MOCOS: variants seen among roughly 807,000 people sequenced by gnomAD.
MOCOS encodes the protein molybdenum cofactor sulfurase, also known as human molybdenum cofactor sulfurase.
In MOCOS, 86 loss-of-function variants were observed where a neutral mutation model predicts 83.6. The observed-to-expected ratio is 1.03, with a 90% CI of 0.86 to 1.23. MOCOS has a LOEUF of 1.23. Ranked by LOEUF, MOCOS falls within the 50% of genes most tolerant of loss-of-function variation. The probability of loss-of-function intolerance (pLI) is 0.00; values close to 1 mark genes in which losing one functional copy is unlikely to be tolerated. For synonymous variants in MOCOS, 445 were observed against 434.7 expected, an observed-to-expected ratio of 1.02 and a Z score of -0.29; for missense variants, 1,120 against 1,126.9, an observed-to-expected ratio of 0.99 and a Z score of 0.09.
rs368535637 is a variant in MOCOS at position 36,256,932 on chromosome 18, A to G, written c.2165-36A>G. On this transcript the variant is annotated intron_variant, in intron 11 of 14. Transcript: ENST00000261326. Reference sequence around the variant, plus strand: ...AACATGATTCACTGGCATTCTGAGAAAGCAACTCTTCTTTTAAATGCTCCA... The same window carrying G: ...AACATGATTCACTGGCATTCTGAGAGAGCAACTCTTCTTTTAAATGCTCCA... 7 of 1,542,346 alleles carry G rather than the reference A, an allele frequency of 4.5e-6. No individual in the cohort carries two copies. In the African/African-American group the frequency reaches 9.5e-5, roughly 21 times the overall value.
chr18:36,235,717 C>A (rs1291540509), intron 9 of MOCOS, among the ~76,000 whole-genome samples: 1 of 151,622 alleles, frequency 6.6e-6, no homozygotes, highest in East Asian at 1.9e-4. Flanking sequence ...CTGACTTCCA[C>A]AATGGTTGAA....
intron 1 of MOCOS, among the ~76,000 whole-genome samples, chr18:36,191,666 G>A (rs1224751870): frequency 1.3e-5 from 2 of 152,112 alleles, no homozygotes; most frequent in Non-Finnish European, 2.9e-5. Context: ...CAAATTCCTG[G>A]CCTCAAGCAA....
chr18:36,234,110 G>A (rs940045227), intron 9 of MOCOS, among the ~76,000 whole-genome samples: 6 of 152,046 alleles, frequency 3.9e-5, no homozygotes, highest in South Asian at 2.1e-4. Flanking sequence ...TTTGCTTACC[G>A]CAATATCTAG....
chr18:36,218,077 T>A (rs2091481599), intron 8 of MOCOS, among the ~76,000 whole-genome samples: 1 of 152,166 alleles, frequency 6.6e-6, no homozygotes, highest in Admixed American at 6.5e-5. Context: ...GCATCTGTGG[T>A]AGGTGAACCC....
Position 36,205,271 on chromosome 18 carries a change from T to A in MOCOS, c.1213T>A (p.Ser405Thr). The change falls in exon 6 of 15, where the codon TCC becomes ACC. Residue 405 changes from serine to threonine, a missense_variant. Coordinates refer to ENST00000261326, the MANE Select transcript of MOCOS (RefSeq NM_017947.4). The part of the protein sequence containing the change: ...LDDKGNIIGY[S>T]QVDKMASLYN... Reference sequence around the variant, plus strand: ...TGACAAAGGGAACATCATTGGTTACTCCCAGGTGGGTTTTCTTTCCATCCT... The same window carrying A: ...TGACAAAGGGAACATCATTGGTTACACCCAGGTGGGTTTTCTTTCCATCCT... The A allele has an allele frequency of 6.2e-7, 1 of 1,613,496 alleles. No individual in the cohort carries two copies. The highest frequency in any genetic ancestry group is 8.5e-7 in the Non-Finnish European group (1 of 1,179,866).
chr18:36,259,441 C>A, intron 12 of MOCOS, among the ~76,000 whole-genome samples: 2 of 114,922 alleles, frequency 1.7e-5, no homozygotes, highest in Non-Finnish European at 3.5e-5. Flanking sequence ...AGAGCAAGAC[C>A]TTGTCTCAAA....
rs1243626018 is a variant in MOCOS, at chr18:36,215,703, C to A, written c.1523C>A (p.Thr508Asn). 1.2e-6 allele frequency: 2 copies of A among 1,614,084 alleles called. No individual in the cohort carries two copies. The highest frequency in any genetic ancestry group is 1.3e-5 in the African/African-American group (1 of 74,934). Residue 508 changes from threonine (T) to asparagine (N), a missense_variant, in exon 8 of 15, where the codon ACT becomes AAT. Thr to Asn is a moderately conservative substitution (Grantham distance 65, BLOSUM62 0). Coordinates refer to ENST00000261326, the MANE Select transcript of MOCOS (RefSeq NM_017947.4). ...VPQAHADTGETGAPSADSQAD... is the reference protein window; with the variant it reads ...VPQAHADTGENGAPSADSQAD... The stretch of plus-strand genomic sequence containing the variant: ...CAGGCCCATGCTGACACCGGGGAGA[C>A]TGGAGCCCCATCAGCAGACAGCCAG...
At chr18:36,266,980 G>A in intron 14 of MOCOS, 127 bp downstream of exon 14, 2 of 794,440 alleles carry the variant, frequency 2.5e-6, no homozygotes, top group Non-Finnish European at 2.1e-6. Context: ...AAAGCTGTTG[G>A]GCTGCCATTA....
At position 36,205,110 on chromosome 18, in the gene MOCOS, C is replaced by A. The variant is rs1393250268; in HGVS notation, c.1052C>A (p.Thr351Asn). Residue 351 changes from threonine to asparagine, a missense_variant, in exon 6 of 15, where the codon ACC becomes AAC. Physicochemically the swap from Thr to Asn is moderately conservative, Grantham distance 65. Transcript: ENST00000261326. ...GMENIKQHTF[T>N]LAQYTYVALS... is the part of the protein sequence containing the mutation. ...GAGAATATAAAGCAGCACACCTTCA[C>A]CTTGGCTCAGTATACCTACGTGGCC... 1 of 1,613,556 alleles carries A rather than the reference C, an allele frequency of 6.2e-7. No individual in the cohort carries two copies. Among genetic ancestry groups the A allele is most frequent in the Admixed American group, 1.7e-5 (1 of 59,968 alleles).
Position 36,205,257 on chromosome 18 carries a change from A to T in MOCOS, c.1199A>T (p.Asn400Ile). ...INFNVLDDKG[N>I]IIGYSQVDKM... ...TTTAATGTGCTGGATGACAAAGGGA[A>T]CATCATTGGTTACTCCCAGGTGGGT... The change falls in exon 6 of 15, where the codon AAC becomes ATC. Residue 400 changes from asparagine to isoleucine, a missense_variant. By Grantham distance (149) the Asn-to-Ile change is moderately radical (BLOSUM62 -3). Transcript: ENST00000261326. 1 of 1,613,780 alleles carries T rather than the reference A, an allele frequency of 6.2e-7. No individual in the cohort carries two copies. The highest frequency in any genetic ancestry group is 8.5e-7 in the Non-Finnish European group (1 of 1,179,942).
intron 9 of MOCOS, among the ~76,000 whole-genome samples, chr18:36,223,883 A>T (rs1181700644): frequency 6.6e-6 from 1 of 152,152 alleles, no homozygotes; most frequent in Non-Finnish European, 1.5e-5. Flanking sequence ...CCAAACTGGA[A>T]TAGAGTGGCA....
At chr18:36,249,067 A>G (rs2091613049) in intron 10 of MOCOS, 67 bp downstream of exon 10, 1 of 1,338,884 alleles carries the variant, frequency 7.5e-7, no homozygotes, top group Non-Finnish European at 1.1e-6. Context: ...GGAAGAGGGT[A>G]ATGCCCTATG....
At chr18:36,216,499 T>G (rs1283388869) in intron 8 of MOCOS, among the ~76,000 whole-genome samples, 1 of 152,054 alleles carries the variant, frequency 6.6e-6, no homozygotes, top group Non-Finnish European at 1.5e-5. Context: ...TGGTGAGCAT[T>G]TGAGAAACAC....
At chr18:36,259,876 G>A (rs1267444075) in intron 12 of MOCOS, among the ~76,000 whole-genome samples, 161 bp from the exon 13 acceptor site, 1 of 152,176 alleles carries the variant, frequency 6.6e-6, no homozygotes, top group Non-Finnish European at 1.5e-5. Context: ...GGTGTCTCTT[G>A]GCCTTGCACT....
At position 36,223,623 on chromosome 18, in the gene MOCOS, TA is replaced by T. The variant is rs896373208; in HGVS notation, c.1960+3413del. 2.6e-5 allele frequency among the ~76,000 whole-genome samples: 4 copies of T among 152,298 alleles called. No individual in the cohort carries two copies. The South Asian group carries it at 6.2e-4, about 24-fold the overall frequency. ...TTTAGGATCGTTCTTTCTATTTCTG[TA>T]AAAAAATGCCATTGCGATTTTGATA... On this transcript the variant is annotated intron_variant, in intron 9 of 14. Coordinates refer to ENST00000261326, the MANE Select transcript of MOCOS (RefSeq NM_017947.4).
At chr18:36,239,937 G>A (rs1233181237) in intron 9 of MOCOS, among the ~76,000 whole-genome samples, 26 of 150,620 alleles carry the variant, frequency 1.7e-4, no homozygotes, top group Admixed American at 1.7e-3. Flanking sequence ...CAGCTCCTGA[G>A]GCTTCTGCAT....
intron 13 of MOCOS, among the ~76,000 whole-genome samples, chr18:36,263,193 T>C (rs1340459344): frequency 6.6e-6 from 1 of 152,226 alleles, no homozygotes; most frequent in Non-Finnish European, 1.5e-5. Flanking sequence ...ACATCTCTTT[T>C]GGAAAACAAT....
At position 36,195,268 on chromosome 18, in the gene MOCOS, C is replaced by A; in HGVS notation, c.154C>A (p.Leu52Ile). The change falls in exon 2 of 15, where the codon CTT (leucine) becomes ATT (isoleucine). Residue 52 changes from leucine (L) to isoleucine (I), a missense_variant. Leu to Ile is a conservative substitution (Grantham distance 5). Coordinates refer to ENST00000261326, the MANE Select transcript of MOCOS (RefSeq NM_017947.4). ...GTGTTTTCTTTCAGGAACTGTCTATCTTGACCATGCAGGTGCCACCTTGTT... is the reference window on the plus strand; with the variant it reads ...GTGTTTTCTTTCAGGAACTGTCTATATTGACCATGCAGGTGCCACCTTGTT... Reference protein sequence around the residue: ...EFSRLAGTVYLDHAGATLFSQ... With the variant: ...EFSRLAGTVYIDHAGATLFSQ... 5 of 1,614,070 alleles carry A rather than the reference C, an allele frequency of 3.1e-6. No individual in the cohort carries two copies. Among genetic ancestry groups the A allele is most frequent in the Non-Finnish European group, 4.2e-6 (5 of 1,179,912 alleles).
chr18:36,251,828 G>GT (rs1346393590), intron 11 of MOCOS, among the ~76,000 whole-genome samples: 7 of 152,288 alleles, frequency 4.6e-5, no homozygotes, highest in African/African-American at 1.7e-4. Flanking sequence ...AGTCCCAGGT[G>GT]TGCAGAAAAG....
Sources: gnomAD v4.1 joint callset for allele counts (sites outside exome capture counted in the v4.1 genomes callset) on GRCh38, gnomAD v4.1.1 for gene constraint, MANE v1.5 for transcripts, NCBI Gene and HGNC (gene_info 2026-07-23, HGNC 2026-07-21) for gene names.